ASIC2: variants seen among roughly 807,000 people sequenced by gnomAD.
The protein encoded by ASIC2 is acid-sensing ion channel 2.
Under a neutral mutation model 57.3 loss-of-function variants are expected in ASIC2, and 25 were observed. The observed-to-expected ratio is 0.44, with a 90% CI of 0.32 to 0.61. The LOEUF (loss-of-function observed/expected upper bound fraction) is 0.61, where lower values mean the gene tolerates loss of function less well. Among genes scored for constraint, ASIC2 ranks in the 20% least tolerant of loss-of-function variants. The probability of loss-of-function intolerance (pLI) is 0.06; values close to 1 mark genes in which losing one functional copy is unlikely to be tolerated. For missense variants in ASIC2, 641 were observed against 738.1 expected (o/e 0.87, Z 1.52); for synonymous variants, 319 against 307.5 (o/e 1.04, Z -0.39).
chr17:33,746,473 T>C (rs1451653460), intron 1 of ASIC2, among the ~76,000 whole-genome samples: 2 of 150,934 alleles, frequency 1.3e-5, no homozygotes, highest in African/African-American at 4.9e-5. Flanking sequence ...TGTGTATATG[T>C]ATGTATATCT....
At position 33,116,824 on chromosome 17, in the gene ASIC2, C is replaced by T. The variant is rs1368296713; in HGVS notation, c.709-4757G>A. Among the ~76,000 whole-genome samples, 5 of 152,040 alleles carry T rather than the reference C, an allele frequency of 3.3e-5. No homozygotes were observed. In the East Asian group the frequency reaches 9.7e-4, roughly 29 times the overall value. ...TCCTTAGCTTCTACTTTGTGCTGACCCCAGATTGGCACAGTCATAGTTTTA... is the reference window on the plus strand; with the variant it reads ...TCCTTAGCTTCTACTTTGTGCTGACTCCAGATTGGCACAGTCATAGTTTTA... On this transcript the variant is annotated intron_variant, in intron 1 of 9. Transcript: ENST00000225823.
intron 3 of ASIC2, among the ~76,000 whole-genome samples, chr17:33,066,897 A>G (rs1307240043): frequency 6.6e-6 from 1 of 152,194 alleles, no homozygotes; most frequent in Non-Finnish European, 1.5e-5. Context: ...TACTCAGGGG[A>G]CAGAGATACA....
intron 1 of ASIC2, among the ~76,000 whole-genome samples, chr17:33,833,087 CACAT>C (rs1221802805): frequency 5.9e-5 from 9 of 152,096 alleles, no homozygotes; most frequent in Admixed American, 4.6e-4. Flanking sequence ...TAAGTAGACA[CACAT>C]GCATAAAGAT....
At chr17:33,685,688 T>C (rs1908163297) in intron 1 of ASIC2, among the ~76,000 whole-genome samples, 1 of 152,182 alleles carries the variant, frequency 6.6e-6, no homozygotes, top group African/African-American at 2.4e-5. Flanking sequence ...GAGAGTTTGT[T>C]GCTCCTTGGT....
chr17:33,349,561 C>T (rs551621638), intron 1 of ASIC2, among the ~76,000 whole-genome samples: 1 of 152,300 alleles, frequency 6.6e-6, no homozygotes, highest in African/African-American at 2.4e-5. Flanking sequence ...CTCCCCTCAT[C>T]CCGAATGCCC....
At chr17:33,169,249 T>C (rs1489811577) in intron 1 of ASIC2, among the ~76,000 whole-genome samples, 2 of 152,132 alleles carry the variant, frequency 1.3e-5, no homozygotes, top group Non-Finnish European at 2.9e-5. Flanking sequence ...ATATAAGAGC[T>C]GTGGAGGCAT....
At chr17:33,254,906 T>A (rs1909007222) in intron 1 of ASIC2, among the ~76,000 whole-genome samples, 1 of 152,126 alleles carries the variant, frequency 6.6e-6, no homozygotes, top group Non-Finnish European at 1.5e-5. Flanking sequence ...ATGCTAATAG[T>A]GGTTACCACT....
chr17:34,124,845 C>T (rs770289821), intron 1 of ASIC2, among the ~76,000 whole-genome samples: 27 of 152,024 alleles, frequency 1.8e-4, no homozygotes, highest in Non-Finnish European at 3.2e-4. Context: ...GCCTAATTAC[C>T]TCCCAAAGGC....
At chr17:33,431,859 T>C (rs12453053) in intron 1 of ASIC2, among the ~76,000 whole-genome samples, 111,403 of 152,060 alleles carry the variant, frequency 0.73, 41,392 homozygotes, top group Middle Eastern at 0.79. Flanking sequence ...AGTGAAAGTA[T>C]ACCAGTAAGA....
chr17:33,947,486 G>A (rs1391560438), intron 1 of ASIC2, among the ~76,000 whole-genome samples: 1 of 152,210 alleles, frequency 6.6e-6, no homozygotes, highest in Non-Finnish European at 1.5e-5. Context: ...AGGATACAAG[G>A]AAGGCACCAT....
At chr17:33,157,988 C>T (rs1217611826) in intron 1 of ASIC2, among the ~76,000 whole-genome samples, 1 of 152,180 alleles carries the variant, frequency 6.6e-6, no homozygotes, top group Non-Finnish European at 1.5e-5. Context: ...CTGGAATGTT[C>T]CTCCCCCAGC....
intron 1 of ASIC2, among the ~76,000 whole-genome samples, chr17:33,336,890 A>G (rs896693666): frequency 6.6e-6 from 1 of 152,130 alleles, no homozygotes; most frequent in Non-Finnish European, 1.5e-5. Flanking sequence ...CGCTCGTGGC[A>G]GAGGACCCAG....
At chr17:34,009,140 G>A (rs777668365) in intron 1 of ASIC2, among the ~76,000 whole-genome samples, 7 of 152,036 alleles carry the variant, frequency 4.6e-5, no homozygotes, top group Non-Finnish European at 5.9e-5. Context: ...ATAACAGCCC[G>A]GAAAATGGGA....
At chr17:33,921,411 T>C (rs1399539815) in intron 1 of ASIC2, among the ~76,000 whole-genome samples, 2 of 152,232 alleles carry the variant, frequency 1.3e-5, no homozygotes, top group East Asian at 1.9e-4. Context: ...TTTAGTAGTA[T>C]TTCTGCAGGA....
chr17:34,088,654 G>A (rs1235374463), intron 1 of ASIC2, among the ~76,000 whole-genome samples: 1 of 152,228 alleles, frequency 6.6e-6, no homozygotes, highest in Admixed American at 6.5e-5. Flanking sequence ...AGCCTACAGA[G>A]GCAGGCAGGC....
intron 1 of ASIC2, among the ~76,000 whole-genome samples, chr17:33,767,172 T>C (rs1211866213): frequency 6.6e-6 from 1 of 152,206 alleles, no homozygotes; most frequent in South Asian, 2.1e-4. Flanking sequence ...TGGTGCCTCA[T>C]TGTGCAAGGC....
chr17:33,357,671 G>A (rs973713857), intron 1 of ASIC2, among the ~76,000 whole-genome samples: 4 of 152,126 alleles, frequency 2.6e-5, no homozygotes, highest in East Asian at 3.9e-4. Context: ...CCTGATGCTC[G>A]ATGGAATGTC....
chr17:34,122,001 G>GT (rs1276587732), intron 1 of ASIC2, among the ~76,000 whole-genome samples: 1 of 114 alleles, frequency 8.8e-3, no homozygotes, highest in African/African-American at 0.028. Context: ...AGGGCACTCA[G>GT]TGCTTTGCTG....
At chr17:33,264,004 C>T (rs1012090479) in intron 1 of ASIC2, among the ~76,000 whole-genome samples, 1 of 152,344 alleles carries the variant, frequency 6.6e-6, no homozygotes, top group East Asian at 1.9e-4. Context: ...CTGCCTCCTG[C>T]CAGCTGTGTG....
Sources: gnomAD v4.1 joint callset for allele counts (sites outside exome capture counted in the v4.1 genomes callset) on GRCh38, gnomAD v4.1.1 for gene constraint, MANE v1.5 for transcripts, NCBI Gene and HGNC (gene_info 2026-07-23, HGNC 2026-07-21) for gene names.